The following ADIPOR1 variants were observed in gnomAD, a reference collection of about 807,000 sequenced individuals.
ADIPOR1 encodes the protein adiponectin receptor 1, also known as adiponectin receptor protein 1.
A neutral mutation model predicts 37.5 loss-of-function variants in ADIPOR1; 15 were observed. The observed-to-expected ratio is 0.40, with a 90% CI of 0.27 to 0.62. ADIPOR1 has a LOEUF of 0.62. ADIPOR1 is among the 20% of genes least tolerant of loss of function. The pLI is 0.42. For missense variants in ADIPOR1, 286 were observed against 478.0 expected (o/e 0.60, Z 3.75); for synonymous variants, 173 against 173.2 (o/e 1.00, Z 0.01).
intron 1 of ADIPOR1, among the ~76,000 whole-genome samples, chr1:202,951,450 C>T (rs1471507929): frequency 6.6e-6 from 1 of 152,116 alleles, no homozygotes; most frequent in Non-Finnish European, 1.5e-5. Context: ...AAAACAGCTA[C>T]CCACCCTCAA....
intron 3 of ADIPOR1, among the ~76,000 whole-genome samples, chr1:202,946,984 C>T (rs1325903535): frequency 2.6e-5 from 4 of 151,744 alleles, no homozygotes; most frequent in Non-Finnish European, 4.4e-5. Flanking sequence ...GGCATGGTGG[C>T]GGGCACCTGT....
At chr1:202,942,907 C>T (rs1004877505) in intron 6 of ADIPOR1, among the ~76,000 whole-genome samples, 1 of 147,380 alleles carries the variant, frequency 6.8e-6, no homozygotes, top group Admixed American at 6.8e-5. Context: ...GCTTTGTTGC[C>T]CAGGCTGGAG....
chr1:202,951,870 A>G (rs1436669556), intron 1 of ADIPOR1, among the ~76,000 whole-genome samples: 3 of 152,198 alleles, frequency 2.0e-5, no homozygotes, highest in African/African-American at 7.2e-5. Context: ...GGCAGCCCCA[A>G]TTTACCCTTT....
intron 3 of ADIPOR1, 70 bp from the exon 4 acceptor site, chr1:202,946,680 G>T: frequency 6.6e-7 from 1 of 1,513,986 alleles, no homozygotes; most frequent in Non-Finnish European, 9.1e-7. Context: ...CAGTGATGGA[G>T]AACTAGTCTA....
At chr1:202,949,592 A>AAAAAAAAAAAAAAAAAAAAAAAC (rs1386405820) in intron 2 of ADIPOR1, among the ~76,000 whole-genome samples, 1 of 150,356 alleles carries the variant, frequency 6.7e-6, no homozygotes, top group African/African-American at 2.4e-5. Context: ...AAAAAAAAAA[A>AAAAAAAAAAAAAAAAAAAAAAAC]AAAAACACAC....
At chr1:202,943,172 T>C (rs1654169350) in intron 6 of ADIPOR1, among the ~76,000 whole-genome samples, 1 of 152,200 alleles carries the variant, frequency 6.6e-6, no homozygotes, top group Non-Finnish European at 1.5e-5. Flanking sequence ...CCGGACAATA[T>C]TTAATTATTT....
At chr1:202,944,160 C>T (rs1654210900) in intron 5 of ADIPOR1, 1 of 492,336 alleles carries the variant, frequency 2.0e-6, no homozygotes, top group Non-Finnish European at 3.6e-6. Context: ...TAAGAATCCC[C>T]ATTCAAAGAA....
intron 7 of ADIPOR1, 41 bp downstream of exon 7, chr1:202,941,984 C>T: frequency 6.4e-7 from 1 of 1,572,708 alleles, no homozygotes. Flanking sequence ...TTGGGCTGTT[C>T]ACTCACCATC....
intron 3 of ADIPOR1, among the ~76,000 whole-genome samples, chr1:202,946,942 C>T (rs2102486417): frequency 6.6e-6 from 1 of 151,638 alleles, no homozygotes; most frequent in East Asian, 2.0e-4. Context: ...TGGTGAAACC[C>T]TGTCTCTACT....
In ADIPOR1 at chr1:202,941,611, C is replaced by T. The variant is rs139371614; in HGVS notation, c.1090G>A (p.Gly364Ser). 2.0e-5 allele frequency: 33 copies of T among 1,613,932 alleles called. No individual in the cohort carries two copies. The highest frequency in any genetic ancestry group is 9.3e-5 in the African/African-American group (7 of 74,904). ...GVSNLQEFRYGLEGGCTDDTL... is the reference protein window; with the variant it reads ...GVSNLQEFRYSLEGGCTDDTL... The stretch of plus-strand genomic sequence containing the variant: ...TCATCAGTACAGCCGCCTTCTAGGC[C>T]GTAACGGAATTCCTGAAGGTTGGAG... Residue 364 changes from glycine to serine, a missense_variant, in exon 8 of 8, where the codon GGC becomes AGC. Gly to Ser is a moderately conservative substitution (Grantham distance 56). Transcript: ENST00000340990.
intron 3 of ADIPOR1, among the ~76,000 whole-genome samples, chr1:202,946,812 T>TA (rs376398598): frequency 2.6e-3 from 359 of 140,148 alleles, no homozygotes; most frequent in South Asian, 9.2e-3. Flanking sequence ...TTTTGACCAT[T>TA]AAAAAAAAAA....
intron 1 of ADIPOR1, among the ~76,000 whole-genome samples, chr1:202,954,035 A>G (rs1654684534): frequency 6.6e-6 from 1 of 152,204 alleles, no homozygotes. Flanking sequence ...TCTGGCTATC[A>G]TCAAAGTCTT....
chr1:202,955,808 T>C (rs10800887), intron 1 of ADIPOR1, among the ~76,000 whole-genome samples: 61,822 of 151,932 alleles, frequency 0.41, 13,086 homozygotes, highest in East Asian at 0.62. Context: ...ACAAGGGCCT[T>C]GCTCTATCCC....
intron 3 of ADIPOR1, among the ~76,000 whole-genome samples, chr1:202,947,610 G>T (rs1402779257): frequency 6.6e-6 from 1 of 151,852 alleles, no homozygotes; most frequent in East Asian, 1.9e-4. Context: ...AATTATAAAC[G>T]TTGTTTTAAA....
chr1:202,943,123 C>A (rs1403110306), intron 6 of ADIPOR1, among the ~76,000 whole-genome samples: 5 of 88,470 alleles, frequency 5.7e-5, no homozygotes, highest in Non-Finnish European at 9.0e-5. Flanking sequence ...CTGCCTCGGC[C>A]CCCCAAAGTG....
rs772084276 is a variant in ADIPOR1 at position 202,942,190 on chromosome 1, G to A, written c.834C>T (p.Gly278=). The change falls in exon 7 of 8, where the codon GGC becomes GGT. Residue 278 remains glycine (G), a synonymous_variant. Coordinates refer to ENST00000340990, the MANE Select transcript of ADIPOR1 (RefSeq NM_015999.6). ...TAGTAAAGTGCATGGTGGGCACGAC[G>A]CCACTCAAGCCAAGTCCCAGGAACA... ...AGVFLGLGLS[G]VVPTMHFTIA... 3.1e-6 allele frequency: 5 copies of A among 1,614,046 alleles called. No individual in the cohort carries two copies. Among genetic ancestry groups the A allele is most frequent in the South Asian group, 2.2e-5 (2 of 91,054 alleles).
chr1:202,941,727 T>C, intron 7 of ADIPOR1, 26 bp from the exon 8 acceptor site: 1 of 1,599,932 alleles, frequency 6.3e-7, no homozygotes, highest in Non-Finnish European at 8.5e-7. Context: ...GAAAAGAGCC[T>C]TTAGGATAAT....
At chr1:202,953,238 CAAA>C (rs11345566) in intron 1 of ADIPOR1, among the ~76,000 whole-genome samples, 4 of 143,546 alleles carry the variant, frequency 2.8e-5, no homozygotes, top group Admixed American at 6.9e-5. Flanking sequence ...ATATCGCAAG[CAAA>C]AAAAAAAAAA....
chr1:202,946,464 A>G lies in ADIPOR1; in HGVS notation c.405T>C (p.Thr135=), dbSNP rs1654322706. ...CAAGCAGATGGGTCCAGATGTTGCC[A>G]GTTTCTGTATGAATGCGGAAGATGC... The part of the protein sequence containing the change: ...FKSIFRIHTE[T]GNIWTHLLGF... The change falls in exon 4 of 8, where the codon ACT becomes ACC. Residue 135 remains threonine (T), a synonymous_variant. Coordinates refer to ENST00000340990, the MANE Select transcript of ADIPOR1 (RefSeq NM_015999.6). 6.2e-7 allele frequency: 1 copy of G among 1,614,064 alleles called. No homozygotes were observed. Among genetic ancestry groups the G allele is most frequent in the Middle Eastern group, 1.7e-4 (1 of 6,056 alleles).
Sources: allele counts gnomAD v4.1 joint callset (sites outside exome capture counted in the v4.1 genomes callset), GRCh38; gene constraint gnomAD v4.1.1; transcripts MANE v1.5; gene names NCBI Gene and HGNC (gene_info 2026-07-23, HGNC 2026-07-21).